TNRC6B: variants seen among roughly 807,000 people sequenced by gnomAD.
TNRC6B encodes trinucleotide repeat-containing gene 6B protein.
In TNRC6B, 52 loss-of-function variants were observed where a neutral mutation model predicts 203.6. The ratio of observed to expected loss-of-function variants is 0.26; its 90% CI spans 0.20 to 0.32. TNRC6B has a LOEUF of 0.32. Ranked by LOEUF, TNRC6B falls within the 10% of genes least tolerant of loss-of-function variation. TNRC6B has a pLI of 1.00. For missense variants in TNRC6B, 1,923 were observed against 2,286.2 expected, an observed-to-expected ratio of 0.84 and a Z score of 3.24; for synonymous variants, 838 against 845.7, an observed-to-expected ratio of 0.99 and a Z score of 0.16.
intron 1 of TNRC6B, among the ~76,000 whole-genome samples, chr22:40,103,563 A>G (rs2068258015): frequency 1.3e-5 from 2 of 152,182 alleles, no homozygotes; most frequent in African/African-American, 2.4e-5. Context: ...TTGTTTATCT[A>G]TTGATTACTT....
chr22:40,275,328 T>G (rs997627046), intron 7 of TNRC6B, among the ~76,000 whole-genome samples: 8 of 152,232 alleles, frequency 5.3e-5, no homozygotes, highest in African/African-American at 1.9e-4. Context: ...ATTAACTGAT[T>G]GAAAGGGACT....
At chr22:40,117,801 A>G (rs923045710) in intron 2 of TNRC6B, among the ~76,000 whole-genome samples, 1 of 151,976 alleles carries the variant, frequency 6.6e-6, no homozygotes, top group East Asian at 1.9e-4. Flanking sequence ...TTTCTTTTTC[A>G]TCTGTATTCT....
intron 1 of TNRC6B, among the ~76,000 whole-genome samples, chr22:40,240,424 A>G (rs920359639): frequency 6.6e-6 from 1 of 152,164 alleles, no homozygotes; most frequent in African/African-American, 2.4e-5. Flanking sequence ...CACACAGAGA[A>G]AAGATTAGTA....
intron 1 of TNRC6B, among the ~76,000 whole-genome samples, chr22:40,065,174 A>T (rs942349265): frequency 6.6e-6 from 1 of 152,032 alleles, no homozygotes; most frequent in Non-Finnish European, 1.5e-5. Flanking sequence ...TATTTGATAG[A>T]ATTCCCCAGT....
At chr22:40,125,986 CATA>C (rs1216087375) in intron 3 of TNRC6B, 5 of 932,130 alleles carry the variant, frequency 5.4e-6, no homozygotes, top group Non-Finnish European at 7.7e-6. Context: ...TAGAACCTAA[CATA>C]AGATTGAGAA....
chr22:40,119,963 G>C (rs1442889833), intron 2 of TNRC6B, among the ~76,000 whole-genome samples: 1 of 152,150 alleles, frequency 6.6e-6, no homozygotes, highest in Non-Finnish European at 1.5e-5. Context: ...CAAAAAATGA[G>C]AGCAAGTGAA....
intron 1 of TNRC6B, among the ~76,000 whole-genome samples, chr22:40,079,418 GCAAGCC>G (rs2068047265): frequency 6.6e-6 from 1 of 152,074 alleles, no homozygotes; most frequent in African/African-American, 2.4e-5. Flanking sequence ...ATGTTGGTAA[GCAAGCC>G]CACATTAGTC....
Position 40,273,437 on chromosome 22 carries a change from T to C in TNRC6B, c.2978T>C (p.Met993Thr), listed in dbSNP as rs1336019218. Residue 993 changes from methionine (M) to threonine (T), a missense_variant, in exon 7 of 23, where the codon ATG becomes ACG. By Grantham distance (81) the Met-to-Thr change is moderately conservative. Around this residue, in one of 8 missense-constraint regions of TNRC6B, gnomAD observed 599 missense variants for 656.5 expected, o/e 0.91. Transcript: ENST00000454349. Reference protein sequence around the residue: ...PNAMKPNSKSMQDGWGESDGP... With the variant: ...PNAMKPNSKSTQDGWGESDGP... The stretch of plus-strand genomic sequence containing the variant: ...TCTTTCCTTAAAGATTCCAAATCTA[T>C]GCAAGACGGCTGGGGGGAGAGTGAC... The C allele has an allele frequency of 2.5e-6, 4 of 1,607,636 alleles. No homozygotes were observed. The highest frequency in any genetic ancestry group is 2.5e-6 in the Non-Finnish European group (3 of 1,177,222).
intron 1 of TNRC6B, among the ~76,000 whole-genome samples, chr22:40,241,989 T>A (rs1422404910): frequency 6.6e-6 from 1 of 152,260 alleles, no homozygotes; most frequent in Non-Finnish European, 1.5e-5. Context: ...TTTTGCTTCT[T>A]GGCAAATGTA....
intron 1 of TNRC6B, among the ~76,000 whole-genome samples, chr22:40,073,613 C>T (rs2067975133): frequency 1.3e-5 from 2 of 152,042 alleles, no homozygotes; most frequent in East Asian, 1.9e-4. Flanking sequence ...AGAAATAAAC[C>T]ATTAAGTGGT....
At chr22:40,098,044 A>C (rs1028150191) in intron 1 of TNRC6B, among the ~76,000 whole-genome samples, 1 of 152,014 alleles carries the variant, frequency 6.6e-6, no homozygotes, top group African/African-American at 2.4e-5. Context: ...ACATTTGTAT[A>C]CTTGTGAGGT....
chr22:40,331,947 A>G lies in TNRC6B; in HGVS notation c.*8706A>G. 3.7e-6 allele frequency: 1 copy of G among 270,546 alleles called. No homozygotes were observed. 16.8% of individuals were successfully genotyped at this position (270,546 alleles called of 1,614,324 possible). On this transcript the variant is annotated 3_prime_UTR_variant, in exon 23 of 23. Coordinates refer to ENST00000454349, the MANE Select transcript of TNRC6B (RefSeq NM_001162501.2). ...CAGGTCTGATGGCCAGGTAAATTCCAGGGGGCCTGCAGTTCCTGTCAACCA... is the reference window on the plus strand; with the variant it reads ...CAGGTCTGATGGCCAGGTAAATTCCGGGGGGCCTGCAGTTCCTGTCAACCA...
At chr22:40,069,654 A>G (rs1027098233) in intron 1 of TNRC6B, among the ~76,000 whole-genome samples, 3 of 151,582 alleles carry the variant, frequency 2.0e-5, no homozygotes, top group African/African-American at 7.3e-5. Flanking sequence ...TGTCTGGCTA[A>G]TTTTGTATTT....
intron 1 of TNRC6B, among the ~76,000 whole-genome samples, chr22:40,086,250 T>C (rs2068099217): frequency 1.3e-5 from 2 of 152,274 alleles, no homozygotes; most frequent in South Asian, 4.2e-4. Context: ...ATTGATTCTT[T>C]CTCTTTTTTA....
At chr22:40,158,175 T>TA (rs975250266) in intron 4 of TNRC6B, among the ~76,000 whole-genome samples, 6 of 151,658 alleles carry the variant, frequency 4.0e-5, no homozygotes, top group South Asian at 2.1e-4. Flanking sequence ...CTGTCTCTAG[T>TA]AAAAAAATAC....
chr22:40,204,490 C>T (rs1476546494), intron 1 of TNRC6B, among the ~76,000 whole-genome samples: 1 of 152,238 alleles, frequency 6.6e-6, no homozygotes, highest in African/African-American at 2.4e-5. Context: ...CGGGCTTGAC[C>T]TTCTGCTTCC....
chr22:40,240,181 CTAT>C (rs2070009317), intron 1 of TNRC6B, among the ~76,000 whole-genome samples: 1 of 152,146 alleles, frequency 6.6e-6, no homozygotes, highest in Non-Finnish European at 1.5e-5. Context: ...CTTTTCTCTA[CTAT>C]TATTGTAAAA....
intron 1 of TNRC6B, among the ~76,000 whole-genome samples, chr22:40,231,682 T>C (rs946656396): frequency 1.3e-5 from 2 of 152,208 alleles, no homozygotes; most frequent in Non-Finnish European, 2.9e-5. Flanking sequence ...AGGAAAGATT[T>C]TAATATAGGG....
rs1028901263 is a variant in TNRC6B at position 40,329,457 on chromosome 22, A to T, written c.*6216A>T. On this transcript the variant is annotated 3_prime_UTR_variant, in exon 23 of 23. Transcript: ENST00000454349. ...GTTTTTTTTTTCTTAAGTTTGACAA[A>T]GGGGGTGGTAATATCACATTCTTTA... 6.6e-6 allele frequency: 1 copy of T among 152,042 alleles called. No homozygotes were observed. The highest frequency in any genetic ancestry group is 2.1e-4 in the South Asian group (1 of 4,828). The allele number at this position is 152,042 out of a possible 1,614,324, so 9.4% of individuals were successfully genotyped here.
Sources: allele counts gnomAD v4.1 joint callset (sites outside exome capture counted in the v4.1 genomes callset), GRCh38; gene constraint gnomAD v4.1.1; regional missense constraint gnomAD v4.1.1; transcripts MANE v1.5; gene names NCBI Gene and HGNC (gene_info 2026-07-23, HGNC 2026-07-21).